Variants in ZEB1 observed in about 807,000 individuals in gnomAD.
ZEB1 encodes zinc finger E-box binding homeobox 1.
In ZEB1, 21 loss-of-function variants were observed where a neutral mutation model predicts 84.9. The ratio of observed to expected loss-of-function variants is 0.25; its 90% CI spans 0.18 to 0.36. The LOEUF (loss-of-function observed/expected upper bound fraction) is 0.36. Among genes scored for constraint, ZEB1 ranks in the 10% least tolerant of loss-of-function variants. The pLI, the probability that ZEB1 is intolerant of heterozygous loss-of-function variation, is 1.00. For synonymous variants in ZEB1, 420 were observed against 471.1 expected (o/e 0.89, Z 1.41); for missense variants, 1,104 against 1,330.2 (o/e 0.83, Z 2.65).
chr10:31,395,592 G>T lies in ZEB1; in HGVS notation c.59-65445G>T, dbSNP rs1479309940. Among the ~76,000 whole-genome samples the T allele has an allele frequency of 2.6e-5, 4 of 152,278 alleles. 1 individual carries two copies. Among genetic ancestry groups the T allele is most frequent in the Admixed American group, 2.0e-4 (3 of 15,284 alleles). Reference sequence around the variant, plus strand: ...GCAGGGGAAAGAAAAGAAAGATAGGGATGAGGTCTGACCTGAGCACAAACC... The same window carrying T: ...GCAGGGGAAAGAAAAGAAAGATAGGTATGAGGTCTGACCTGAGCACAAACC... On this transcript the variant is annotated intron_variant, in intron 1 of 8. Coordinates refer to ENST00000424869, the MANE Select transcript of ZEB1 (RefSeq NM_001174096.2).
At chr10:31,481,566 G>A (rs1183747977) in intron 2 of ZEB1, among the ~76,000 whole-genome samples, 1 of 151,926 alleles carries the variant, frequency 6.6e-6, no homozygotes, top group Non-Finnish European at 1.5e-5. Context: ...AGGAGGCTTT[G>A]TAATCCCAAC....
rs148227561 is a variant in ZEB1, at chr10:31,478,529, T to G, written c.260-17247T>G. Among the ~76,000 whole-genome samples the G allele has an allele frequency of 3.4e-3, 515 of 152,024 alleles. 8 individuals carry two copies. The highest frequency in any genetic ancestry group is 1.4e-3 in the Non-Finnish European group (98 of 67,860). Reference sequence around the variant, plus strand: ...TTCTACCCAAAGGAAAAGAAATCATTATATAAGAAAGACACCTTTATGTAT... The same window carrying G: ...TTCTACCCAAAGGAAAAGAAATCATGATATAAGAAAGACACCTTTATGTAT... On this transcript the variant is annotated intron_variant, in intron 2 of 8. Coordinates refer to ENST00000424869, the MANE Select transcript of ZEB1 (RefSeq NM_001174096.2).
intron 1 of ZEB1, among the ~76,000 whole-genome samples, chr10:31,449,307 C>G (rs1050926273): frequency 6.6e-6 from 1 of 152,258 alleles, no homozygotes; most frequent in African/African-American, 2.4e-5. Flanking sequence ...CCTGCGCCTA[C>G]TGTCTGGCAC....
rs1009150280 is a variant in ZEB1, at chr10:31,529,501, A to G, written c.*2237A>G. ...TGCCTTTCTGACTCTCAGCTCCTGC[A>G]CTTCTGTCATCATACCTCTGATACT... is the stretch of plus-strand genomic sequence containing the variant. On this transcript the variant is annotated 3_prime_UTR_variant, in exon 9 of 9. Transcript: ENST00000424869. 1 of 152,172 alleles carries G rather than the reference A, an allele frequency of 6.6e-6. No homozygotes were observed. Among genetic ancestry groups the G allele is most frequent in the African/African-American group, 2.4e-5 (1 of 41,448 alleles). The allele number at this position is 152,172 out of a possible 1,614,324, so 9.4% of individuals were successfully genotyped here. A position where few individuals can be genotyped will look rare whatever the true frequency, so the allele number is the denominator to read the frequency against.
intron 1 of ZEB1, chr10:31,321,585 T>C (rs996523467): frequency 6.2e-7 from 1 of 1,613,894 alleles, no homozygotes; most frequent in Non-Finnish European, 8.5e-7. Flanking sequence ...AAAATGTTGA[T>C]CGCCAGAGAA....
rs368047714 is a variant in ZEB1 at position 31,352,112 on chromosome 10, T to TTTATTCTG, written c.58+32824_58+32831dup. ...GAGCTTTATTTTGATATAATCAGAC[T>TTTATTCTG]TTATTCTGTTACCTATTTGCCTTTC... On this transcript the variant is annotated intron_variant, in intron 1 of 8. Coordinates refer to ENST00000424869, the MANE Select transcript of ZEB1 (RefSeq NM_001174096.2). 5.3e-5 allele frequency among the ~76,000 whole-genome samples: 8 copies of TTTATTCTG among 152,300 alleles called. No individual in the cohort carries two copies. In the East Asian group the frequency reaches 1.5e-3, roughly 29 times the overall value.
intron 5 of ZEB1, among the ~76,000 whole-genome samples, chr10:31,514,185 T>C (rs548222690): frequency 3.9e-4 from 60 of 152,290 alleles, no homozygotes; most frequent in African/African-American, 1.4e-3. Flanking sequence ...TTGAGTGAGC[T>C]TTAGACAGGT....
chr10:31,324,760 T>G (rs371432745), intron 1 of ZEB1, among the ~76,000 whole-genome samples: 6 of 152,056 alleles, frequency 3.9e-5, no homozygotes, highest in African/African-American at 1.4e-4. Context: ...GTGTCCTGAT[T>G]AGGAAATATG....
chr10:31,452,214 T>TC (rs1462521712), intron 1 of ZEB1, among the ~76,000 whole-genome samples: 1 of 152,148 alleles, frequency 6.6e-6, no homozygotes, highest in Admixed American at 6.5e-5. Context: ...CTTGGGGTAC[T>TC]CTAAAACCAT....
intron 1 of ZEB1, among the ~76,000 whole-genome samples, chr10:31,445,535 T>C (rs1024573529): frequency 6.6e-6 from 1 of 151,914 alleles, no homozygotes; most frequent in African/African-American, 2.4e-5. Context: ...CCATTCAGTA[T>C]GATATTGGCT....
Position 31,520,162 on chromosome 10 carries a change from G to T in ZEB1, c.830G>T (p.Arg277Leu). ...TATGAATGCCCAAACTGCAAGAAAC[G>T]CTTTTCCCATTCTGGCTCCTATAGC... ...KPYECPNCKK[R>L]FSHSGSYSSH... Residue 277 changes from arginine to leucine, a missense_variant, in exon 7 of 9, where the codon CGC becomes CTC. Transcript: ENST00000424869. The surrounding 1 kb of genome is among the most constrained non-coding windows in gnomAD (Gnocchi z 5.1). 1 of 1,613,704 alleles carries T rather than the reference G, an allele frequency of 6.2e-7. No homozygotes were observed. Among genetic ancestry groups the T allele is most frequent in the Non-Finnish European group, 8.5e-7 (1 of 1,179,762 alleles).
At chr10:31,462,458 A>G (rs2061928513) in intron 2 of ZEB1, among the ~76,000 whole-genome samples, 1 of 152,216 alleles carries the variant, frequency 6.6e-6, no homozygotes, top group Admixed American at 6.5e-5. Context: ...ATTATATGGC[A>G]GCATCAAGGA....
intron 2 of ZEB1, among the ~76,000 whole-genome samples, chr10:31,470,131 G>A (rs1228786093): frequency 6.6e-6 from 1 of 151,726 alleles, no homozygotes; most frequent in African/African-American, 2.4e-5. Context: ...AACAGAAAAA[G>A]TGGAAACTCT....
chr10:31,373,305 T>C, intron 1 of ZEB1: 1 of 828,474 alleles, frequency 1.2e-6, no homozygotes, highest in Non-Finnish European at 1.5e-6. Context: ...ATTTTATATG[T>C]CTGTCACTTA....
Position 31,359,342 on chromosome 10 carries a change from C to T in ZEB1, c.58+40050C>T, listed in dbSNP as rs1281348163. ...TTTTTCTTAAAGTAAAATGAGAACT[C>T]TTATGTGTTATGATATAGAGGTAAG... is the stretch of plus-strand genomic sequence containing the variant. On this transcript the variant is annotated intron_variant, in intron 1 of 8. Coordinates refer to ENST00000424869, the MANE Select transcript of ZEB1 (RefSeq NM_001174096.2). 2.6e-5 allele frequency among the ~76,000 whole-genome samples: 4 copies of T among 151,604 alleles called. No individual in the cohort carries two copies. In the East Asian group the frequency reaches 7.7e-4, roughly 29 times the overall value.
chr10:31,347,920 G>A (rs1389618050), intron 1 of ZEB1, among the ~76,000 whole-genome samples: 1 of 152,136 alleles, frequency 6.6e-6, no homozygotes, highest in Non-Finnish European at 1.5e-5. Flanking sequence ...GAATTCCAGG[G>A]CCCTTCAGGG....
chr10:31,363,078 T>C (rs2043657449), intron 1 of ZEB1: 1 of 1,533,666 alleles, frequency 6.5e-7, no homozygotes, highest in Admixed American at 2.0e-5. Context: ...ACAGTTTTCT[T>C]TTGTGGGACC....
intron 2 of ZEB1, among the ~76,000 whole-genome samples, chr10:31,468,289 TG>T (rs771094775): frequency 2.0e-4 from 31 of 151,900 alleles, no homozygotes; most frequent in Non-Finnish European, 4.0e-4. Context: ...AGAACACTCT[TG>T]TATTCCTTAT....
chr10:31,361,944 C>A (rs574786105), intron 1 of ZEB1, among the ~76,000 whole-genome samples: 92 of 149,366 alleles, frequency 6.2e-4, no homozygotes, highest in African/African-American at 2.2e-3. Context: ...AGGCACTCCT[C>A]GCTTCGCAGA....
Sources: allele counts gnomAD v4.1 joint callset (sites outside exome capture counted in the v4.1 genomes callset), GRCh38; gene constraint gnomAD v4.1.1; non-coding constraint Gnocchi (gnomAD v3.1); transcripts MANE v1.5; gene names NCBI Gene and HGNC (gene_info 2026-07-23, HGNC 2026-07-21).